The following CDH22 variants were observed in gnomAD, a reference collection of about 807,000 sequenced individuals.
CDH22 encodes cadherin-22.
A neutral mutation model predicts 58.4 loss-of-function variants in CDH22; 30 were observed. The ratio of observed to expected loss-of-function variants is 0.51; its 90% confidence interval spans 0.38 to 0.70. The LOEUF (loss-of-function observed/expected upper bound fraction) is 0.70. Among genes scored for constraint, CDH22 ranks in the 30% least tolerant of loss-of-function variants. The pLI is 0.00. For missense variants in CDH22, 1,014 were observed against 1,233.9 expected (o/e 0.82, Z 2.67); for synonymous variants, 513 against 558.2 (o/e 0.92, Z 1.14).
Position 46,216,544 on chromosome 20 carries a change from T to A in CDH22, c.838+282A>T, listed in dbSNP as rs924911590. Among the ~76,000 whole-genome samples, 1 of 151,872 alleles carries A rather than the reference T, an allele frequency of 6.6e-6. No homozygotes were observed. Among genetic ancestry groups the A allele is most frequent in the Non-Finnish European group, 1.5e-5 (1 of 67,964 alleles). ...GGACGGAAGGGTGGATGGGTGGGGC[T>A]CCCCCTCTGCCGGAAGCAAGAGGAG... On this transcript the variant is annotated intron_variant, in intron 5 of 11. Coordinates refer to ENST00000537909, the MANE Select transcript of CDH22 (RefSeq NM_021248.3). The surrounding 1 kb of genome is among the most constrained non-coding windows in gnomAD (Gnocchi z 5.3).
chr20:46,292,687 TCACACAGAA>T (rs1477393261), intron 1 of CDH22, among the ~76,000 whole-genome samples: 1 of 152,176 alleles, frequency 6.6e-6, no homozygotes, highest in Non-Finnish European at 1.5e-5. Context: ...AACACTCCAG[TCACACAGAA>T]CTTCTCATTG....
chr20:46,267,982 C>T (rs997076450), intron 1 of CDH22, among the ~76,000 whole-genome samples: 9 of 152,348 alleles, frequency 5.9e-5, no homozygotes, highest in African/African-American at 2.2e-4. Flanking sequence ...CAGCTGCTCC[C>T]ACAGGGAACT....
chr20:46,303,637 A>G (rs1425837140), intron 1 of CDH22, among the ~76,000 whole-genome samples: 2 of 152,142 alleles, frequency 1.3e-5, no homozygotes, highest in Non-Finnish European at 2.9e-5. Flanking sequence ...AAGAGGTGCT[A>G]TTTGGGTTGG....
At position 46,225,385 on chromosome 20, in the gene CDH22, A is replaced by T. The variant is rs142824750; in HGVS notation, c.670+2123T>A. Among the ~76,000 whole-genome samples, 177 of 152,330 alleles carry T rather than the reference A, an allele frequency of 1.2e-3. 3 individuals carry two copies. Among genetic ancestry groups the T allele is most frequent in the African/African-American group, 4.1e-3 (172 of 41,562 alleles). ...CCATAACACCCATTAAATAAGAGAA[A>T]GAGGAAGCCCTTTATGTACTCATAT... On this transcript the variant is annotated intron_variant, in intron 4 of 11. Transcript: ENST00000537909.
At chr20:46,301,461 CT>C (rs2086651193) in intron 1 of CDH22, among the ~76,000 whole-genome samples, 1 of 151,674 alleles carries the variant, frequency 6.6e-6, no homozygotes, top group African/African-American at 2.4e-5. Flanking sequence ...TGTCATGTTT[CT>C]CATTTTCTCA....
At chr20:46,215,591 G>T (rs968296630) in intron 5 of CDH22, among the ~76,000 whole-genome samples, 2 of 152,170 alleles carry the variant, frequency 1.3e-5, no homozygotes, top group African/African-American at 4.8e-5. Flanking sequence ...CCTGGCTGGT[G>T]GTCATAGGAT....
intron 7 of CDH22, among the ~76,000 whole-genome samples, chr20:46,200,250 C>T (rs1278266933): frequency 6.6e-6 from 1 of 151,594 alleles, no homozygotes; most frequent in Non-Finnish European, 1.5e-5. Context: ...CCTGGGATTA[C>T]AGGCGTGAGC....
Position 46,241,662 on chromosome 20 carries a change from C to T in CDH22, c.256-405G>A, listed in dbSNP as rs910923595. ...TTGAGCCCTGTCCTTGTTTCTCTGC[C>T]CATGGAAAGTCTCTCATCCTGCAAA... On this transcript the variant is annotated intron_variant, in intron 2 of 11. Coordinates refer to ENST00000537909, the MANE Select transcript of CDH22 (RefSeq NM_021248.3). This position sits in a 1 kb window ranked among gnomAD's most constrained non-coding sequence, Gnocchi z 5.2. 6.6e-6 allele frequency among the ~76,000 whole-genome samples: 1 copy of T among 152,184 alleles called. No homozygotes were observed. Among genetic ancestry groups the T allele is most frequent in the Non-Finnish European group, 1.5e-5 (1 of 68,022 alleles).
chr20:46,181,716 T>TCCTTCCTTCCTTCCTTCC (rs2085786394), intron 10 of CDH22, among the ~76,000 whole-genome samples: 2 of 44,336 alleles, frequency 4.5e-5, no homozygotes, highest in African/African-American at 1.0e-4. Flanking sequence ...TCTTTCTTTT[T>TCCTTCCTTCCTTCCTTCC]TTCCTTCCTT....
At chr20:46,197,295 G>GATATATATATATATATATATATAT (rs34730995) in intron 8 of CDH22, among the ~76,000 whole-genome samples, 86 of 141,958 alleles carry the variant, frequency 6.1e-4, no homozygotes, top group African/African-American at 1.4e-3. Flanking sequence ...TCTAGGCCAG[G>GATATATATATATATATATATATAT]ATATATATAT....
intron 10 of CDH22, among the ~76,000 whole-genome samples, chr20:46,182,452 G>A (rs1017904526): frequency 2.6e-5 from 4 of 152,200 alleles, no homozygotes; most frequent in African/African-American, 7.2e-5. Context: ...AGAAATGAGC[G>A]GCTGGCTCCG....
chr20:46,274,232 A>G (rs570014097), intron 1 of CDH22, among the ~76,000 whole-genome samples: 6 of 152,164 alleles, frequency 3.9e-5, no homozygotes, highest in African/African-American at 1.4e-4. Context: ...ATTGGGCAGC[A>G]TGGAGGGAGG....
chr20:46,191,979 C>G (rs749901507), intron 8 of CDH22, among the ~76,000 whole-genome samples: 6 of 152,162 alleles, frequency 3.9e-5, no homozygotes, highest in Non-Finnish European at 7.4e-5. Flanking sequence ...TTACCTCCTT[C>G]AGGTCTTGGC....
Position 46,216,688 on chromosome 20 carries a change from C to T in CDH22, c.838+138G>A. Reference sequence around the variant, plus strand: ...GGGGATAGCTGGTGGCTTGGGAGGACAGACAGACAGACAGAAAGAGAGGGG... The same window carrying T: ...GGGGATAGCTGGTGGCTTGGGAGGATAGACAGACAGACAGAAAGAGAGGGG... On this transcript the variant is annotated intron_variant, in intron 5 of 11. Coordinates refer to ENST00000537909, the MANE Select transcript of CDH22 (RefSeq NM_021248.3). The surrounding 1 kb of genome is among the most constrained non-coding windows in gnomAD (Gnocchi z 5.3). 3 of 775,354 alleles carry T rather than the reference C, an allele frequency of 3.9e-6. No individual in the cohort carries two copies. The highest frequency in any genetic ancestry group is 5.3e-5 in the East Asian group (2 of 37,626). 48.0% of individuals were successfully genotyped at this position (775,354 alleles called of 1,614,324 possible). A position where few individuals can be genotyped will look rare whatever the true frequency, so the allele number is the denominator to read the frequency against.
At chr20:46,278,327 C>T (rs556638569) in intron 1 of CDH22, among the ~76,000 whole-genome samples, 1 of 152,200 alleles carries the variant, frequency 6.6e-6, no homozygotes, top group East Asian at 1.9e-4. Flanking sequence ...TGGTGCATTG[C>T]ATGACCTTCA....
intron 8 of CDH22, among the ~76,000 whole-genome samples, chr20:46,194,046 C>T (rs2085880441): frequency 6.6e-6 from 1 of 152,174 alleles, no homozygotes; most frequent in East Asian, 1.9e-4. Flanking sequence ...AAATAGATGT[C>T]CCCTCCTCTG....
At chr20:46,273,376 A>C (rs1197222525) in intron 1 of CDH22, among the ~76,000 whole-genome samples, 1 of 152,136 alleles carries the variant, frequency 6.6e-6, no homozygotes, top group Admixed American at 6.6e-5. Context: ...TTTATATTTT[A>C]TTTAGCATTC....
intron 1 of CDH22, among the ~76,000 whole-genome samples, chr20:46,288,311 C>A (rs898751672): frequency 3.9e-5 from 6 of 152,186 alleles, no homozygotes; most frequent in African/African-American, 1.4e-4. Context: ...TCCCAGCACC[C>A]TGTACCTCAT....
At chr20:46,221,131 G>T (rs994990335) in intron 4 of CDH22, among the ~76,000 whole-genome samples, 3 of 152,198 alleles carry the variant, frequency 2.0e-5, no homozygotes, top group African/African-American at 7.2e-5. Context: ...CCTGCCAGCT[G>T]TCCCAGTGAA....
Sources: gnomAD v4.1 joint callset for allele counts (sites outside exome capture counted in the v4.1 genomes callset) on GRCh38, gnomAD v4.1.1 for gene constraint, Gnocchi (gnomAD v3.1) non-coding constraint, MANE v1.5 for transcripts, NCBI Gene and HGNC (gene_info 2026-07-23, HGNC 2026-07-21) for gene names.